The following ATF6 variants were observed in gnomAD, a reference collection of about 807,000 sequenced individuals.
ATF6 encodes the protein activating transcription factor 6, also known as cyclic AMP-dependent transcription factor ATF-6 alpha.
Under a neutral mutation model 83.6 loss-of-function variants are expected in ATF6, and 53 were observed. That is an observed-to-expected ratio of 0.63 (90% CI 0.51 to 0.80). The LOEUF (loss-of-function observed/expected upper bound fraction) is 0.80. Ranked by LOEUF, ATF6 falls within the 30% of genes least tolerant of loss-of-function variation. The pLI, the probability that ATF6 is intolerant of heterozygous loss-of-function variation, is 0.00. For missense variants in ATF6, 744 were observed against 797.9 expected (o/e 0.93, Z 0.81); for synonymous variants, 288 against 285.8 (o/e 1.01, Z -0.08).
chr1:161,940,735 T>G (rs916985313), intron 15 of ATF6, among the ~76,000 whole-genome samples: 3 of 150,658 alleles, frequency 2.0e-5, no homozygotes, highest in African/African-American at 4.9e-5. Flanking sequence ...ATTTTTTTTG[T>G]TTTTTTTTAG....
intron 7 of ATF6, among the ~76,000 whole-genome samples, chr1:161,815,410 C>G (rs1685591419): frequency 6.6e-6 from 1 of 151,438 alleles, no homozygotes; most frequent in Non-Finnish European, 1.5e-5. Flanking sequence ...AGGCTGTTCT[C>G]AAACTCCTGG....
chr1:161,863,076 T>A, intron 13 of ATF6, 122 bp from the exon 14 acceptor site: 1 of 548,858 alleles, frequency 1.8e-6, no homozygotes, highest in Non-Finnish European at 3.3e-6. Flanking sequence ...ACTGCCAAAG[T>A]GCAACTAATA....
At chr1:161,839,883 A>G (rs566737629) in intron 9 of ATF6, among the ~76,000 whole-genome samples, 3 of 152,308 alleles carry the variant, frequency 2.0e-5, no homozygotes, top group Admixed American at 2.0e-4. Flanking sequence ...GTAGGAGATG[A>G]TGTCAGAGAG....
At position 161,792,151 on chromosome 1, in the gene ATF6, T is replaced by A. The variant is rs1684896543; in HGVS notation, c.512T>A (p.Ile171Asn). The A allele has an allele frequency of 6.2e-7, 1 of 1,613,914 alleles. No homozygotes were observed. Among genetic ancestry groups the A allele is most frequent in the Non-Finnish European group, 8.5e-7 (1 of 1,179,994 alleles). ...TENGLTPKKK[I>N]QVNSKPSIQP... ...AATGGACTGACTCCAAAGAAAAAAATTCAGGTGAATTCAAAACCTTCAATT... is the reference window on the plus strand; with the variant it reads ...AATGGACTGACTCCAAAGAAAAAAAATCAGGTGAATTCAAAACCTTCAATT... The change falls in exon 6 of 16, where the codon ATT becomes AAT. Residue 171 changes from isoleucine (I) to asparagine (N), a missense_variant. Coordinates refer to ENST00000367942, the MANE Select transcript of ATF6 (RefSeq NM_007348.4).
intron 14 of ATF6, chr1:161,892,194 T>C (rs898018574): frequency 6.6e-5 from 10 of 152,172 alleles, no homozygotes; most frequent in African/African-American, 2.4e-4. Flanking sequence ...TAAAATTTTG[T>C]GATGGCCTGA....
At chr1:161,806,222 C>T (rs1685277256) in intron 7 of ATF6, among the ~76,000 whole-genome samples, 1 of 152,180 alleles carries the variant, frequency 6.6e-6, no homozygotes, top group Non-Finnish European at 1.5e-5. Flanking sequence ...CTTTATAGGA[C>T]AGCATGCTTA....
intron 9 of ATF6, among the ~76,000 whole-genome samples, chr1:161,836,087 T>G (rs1686206119): frequency 6.6e-6 from 1 of 152,170 alleles, no homozygotes; most frequent in African/African-American, 2.4e-5. Context: ...AGACTGTGCT[T>G]TAAGGAAAAG....
intron 15 of ATF6, among the ~76,000 whole-genome samples, chr1:161,936,082 GT>G (rs1315884324): frequency 3.3e-5 from 5 of 152,168 alleles, no homozygotes; most frequent in Non-Finnish European, 5.9e-5. Flanking sequence ...TAGAAATACA[GT>G]TTCTTCATTT....
intron 9 of ATF6, among the ~76,000 whole-genome samples, chr1:161,824,879 A>G (rs537444792): frequency 2.2e-4 from 33 of 152,336 alleles, no homozygotes; most frequent in African/African-American, 7.5e-4. Context: ...AGAGAATCAG[A>G]TATGTAAACA....
chr1:161,851,280 A>G (rs1686621756), intron 10 of ATF6, among the ~76,000 whole-genome samples: 2 of 146,268 alleles, frequency 1.4e-5, no homozygotes, highest in East Asian at 2.1e-4. Context: ...ACACACCCCT[A>G]CCTGTTTTAC....
At chr1:161,777,255 C>G (rs1451834285) in intron 1 of ATF6, among the ~76,000 whole-genome samples, 1 of 152,184 alleles carries the variant, frequency 6.6e-6, no homozygotes, top group Non-Finnish European at 1.5e-5. Flanking sequence ...ATATAAGCCG[C>G]AGTCCTCTGC....
At chr1:161,925,965 G>A (rs1225104923) in intron 15 of ATF6, among the ~76,000 whole-genome samples, 1 of 152,120 alleles carries the variant, frequency 6.6e-6, no homozygotes. Context: ...CATGGATCAA[G>A]GTACAGATGA....
intron 11 of ATF6, 32 bp from the exon 12 acceptor site, chr1:161,853,192 C>G: frequency 7.3e-7 from 1 of 1,365,716 alleles, no homozygotes; most frequent in Non-Finnish European, 1.0e-6. Context: ...TAATTAATTT[C>G]TATGTTTAAT....
intron 14 of ATF6, among the ~76,000 whole-genome samples, chr1:161,903,110 C>G (rs1359757457): frequency 6.6e-6 from 1 of 152,152 alleles, no homozygotes; most frequent in Non-Finnish European, 1.5e-5. Flanking sequence ...CTGCTCTCCA[C>G]CACTTCCTTG....
chr1:161,801,359 CTTTTTTTTTTTT>C (rs1170991022), intron 6 of ATF6, among the ~76,000 whole-genome samples: 12 of 95,288 alleles, frequency 1.3e-4, no homozygotes, highest in Admixed American at 8.9e-4. Context: ...TATTTGTAGT[CTTTTTTTTTTTT>C]TTTTTTTTTT....
chr1:161,797,497 A>G (rs1261970439), intron 6 of ATF6, among the ~76,000 whole-genome samples: 2 of 152,206 alleles, frequency 1.3e-5, no homozygotes, highest in Non-Finnish European at 2.9e-5. Context: ...CAATGTACAA[A>G]AGTCAGCAGC....
intron 10 of ATF6, among the ~76,000 whole-genome samples, chr1:161,850,202 T>C (rs1176340408): frequency 6.6e-6 from 1 of 152,210 alleles, no homozygotes; most frequent in Non-Finnish European, 1.5e-5. Flanking sequence ...TGACTTCTTA[T>C]TACATTTAGT....
chr1:161,878,897 A>T lies in ATF6; in HGVS notation c.1719+15585A>T, dbSNP rs567370968. Among the ~76,000 whole-genome samples, 8 of 152,304 alleles carry T rather than the reference A, an allele frequency of 5.3e-5. No homozygotes were observed. In the South Asian group the frequency reaches 1.7e-3, roughly 32 times the overall value. ...AAGTGAGAACAGCATAACTATTTAA[A>T]AATGTTTGCCTATAAAAGAAAATAG... is the stretch of plus-strand genomic sequence containing the variant. On this transcript the variant is annotated intron_variant, in intron 14 of 15. Coordinates refer to ENST00000367942, the MANE Select transcript of ATF6 (RefSeq NM_007348.4).
intron 14 of ATF6, among the ~76,000 whole-genome samples, chr1:161,883,674 T>C (rs1261677935): frequency 1.3e-5 from 2 of 152,042 alleles, no homozygotes; most frequent in East Asian, 3.8e-4. Flanking sequence ...TTTAGTGTTA[T>C]CTTAGAAGCA....
Sources: allele counts gnomAD v4.1 joint callset (sites outside exome capture counted in the v4.1 genomes callset), GRCh38; gene constraint gnomAD v4.1.1; transcripts MANE v1.5; gene names NCBI Gene and HGNC (gene_info 2026-07-23, HGNC 2026-07-21).